Variants in NHSL2 observed in about 807,000 individuals in gnomAD.
NHSL2 encodes NHS like 2, also known as NHS-like protein 2.
NHSL2 carries 27 observed loss-of-function variants against 53.4 expected under a neutral mutation model. The observed-to-expected ratio is 0.51, with a 90% CI of 0.37 to 0.70. The LOEUF (loss-of-function observed/expected upper bound fraction) is 0.70, where lower values mean the gene tolerates loss of function less well. Ranked by LOEUF, NHSL2 falls within the 30% of genes least tolerant of loss-of-function variation. The probability of loss-of-function intolerance (pLI) is 0.00; values close to 1 mark genes in which losing one functional copy is unlikely to be tolerated. For missense variants in NHSL2, 892 were observed against 980.1 expected, an observed-to-expected ratio of 0.91 and a Z score of 1.20; for synonymous variants, 408 against 404.1, an observed-to-expected ratio of 1.01 and a Z score of -0.12.
Position 72,140,787 on chromosome X carries a change from G to T in NHSL2, c.3223+16G>T, listed in dbSNP as rs765792364. ...AGCCCTCTGGGTTAGTAAACTGTCT[G>T]CTGGCTTTTTCCTTCAGTCACAGGA... is the stretch of plus-strand genomic sequence containing the variant. On this transcript the variant is annotated intron_variant, in intron 6 of 7. Coordinates refer to ENST00000633930, the MANE Select transcript of NHSL2 (RefSeq NM_001013627.3). 3 of 1,141,382 alleles carry T rather than the reference G, an allele frequency of 2.6e-6. No individual in the cohort carries two copies. The highest frequency in any genetic ancestry group is 4.9e-4 in the Middle Eastern group (2 of 4,046). The allele number at this position is 1,141,382 out of a possible 1,213,427, so 94.1% of individuals were successfully genotyped here.
At chrX:72,118,250 G>T (rs758530325) in intron 1 of NHSL2, among the ~76,000 whole-genome samples, 3 of 111,693 alleles carry the variant, frequency 2.7e-5, no homozygotes, top group Non-Finnish European at 5.6e-5. Context: ...TCATGTGCTT[G>T]TTGGCCATTT....
At chrX:71,953,295 C>T (rs957764749) in intron 1 of NHSL2, among the ~76,000 whole-genome samples, 3 of 112,100 alleles carry the variant, frequency 2.7e-5, no homozygotes, top group Non-Finnish European at 5.6e-5. Context: ...GACCTGTGTC[C>T]CCCAGAGAGT....
chrX:72,099,647 G>T (rs1030562836), intron 1 of NHSL2, among the ~76,000 whole-genome samples: 1 of 111,377 alleles, frequency 9.0e-6, no homozygotes, highest in African/African-American at 3.3e-5. Flanking sequence ...GGGATTGCAG[G>T]CGTGAGCCGC....
At chrX:71,942,539 A>G (rs762790013) in intron 1 of NHSL2, among the ~76,000 whole-genome samples, 34 of 112,564 alleles carry the variant, frequency 3.0e-4, no homozygotes, top group Non-Finnish European at 5.3e-4. Context: ...AACATTTTTT[A>G]ACTTTGATAG....
intron 1 of NHSL2, among the ~76,000 whole-genome samples, chrX:71,941,823 T>A (rs1045162808): frequency 8.9e-6 from 1 of 111,931 alleles, no homozygotes; most frequent in East Asian, 2.8e-4. Context: ...TCTTTACCAT[T>A]TTCTGGTCTT....
rs944504610 is a variant in NHSL2, at chrX:72,063,147, C to T, written c.281-68932C>T. Among the ~76,000 whole-genome samples, 4 of 111,933 alleles carry T rather than the reference C, an allele frequency of 3.6e-5. No individual in the cohort carries two copies. In the East Asian group the frequency reaches 1.1e-3, roughly 31 times the overall value. ...CTTGGCCTACTACTCTTAACACCAG[C>T]TCTCAGAAGGCGTTCTGGCTTCTTA... On this transcript the variant is annotated intron_variant, in intron 1 of 7. Coordinates refer to ENST00000633930, the MANE Select transcript of NHSL2 (RefSeq NM_001013627.3).
Position 72,087,871 on chromosome X carries a change from C to T in NHSL2, c.281-44208C>T, listed in dbSNP as rs575148310. Reference sequence around the variant, plus strand: ...TGGATGACAGAGCAAGACTCCATCTCGAGAAACAAACAAATAAACAAAAAA... The same window carrying T: ...TGGATGACAGAGCAAGACTCCATCTTGAGAAACAAACAAATAAACAAAAAA... On this transcript the variant is annotated intron_variant, in intron 1 of 7. Coordinates refer to ENST00000633930, the MANE Select transcript of NHSL2 (RefSeq NM_001013627.3). Among the ~76,000 whole-genome samples, 22 of 109,177 alleles carry T rather than the reference C, an allele frequency of 2.0e-4. No individual in the cohort carries two copies. The South Asian group carries it at 7.4e-3, about 37-fold the overall frequency. The allele number at this position is 109,177 out of a possible 115,157, so 94.8% of individuals were successfully genotyped here.
At chrX:72,041,978 C>A (rs2042276664) in intron 1 of NHSL2, among the ~76,000 whole-genome samples, 1 of 112,225 alleles carries the variant, frequency 8.9e-6, no homozygotes, top group Non-Finnish European at 1.9e-5. Flanking sequence ...TGTTTTCCCG[C>A]AACCCTCAGG....
chrX:72,144,552 G>A lies in NHSL2; in HGVS notation c.*978G>A, dbSNP rs1025290766. 3 of 1,022,066 alleles carry A rather than the reference G, an allele frequency of 2.9e-6. No individual in the cohort carries two copies. Among genetic ancestry groups the A allele is most frequent in the Non-Finnish European group, 3.9e-6 (3 of 775,706 alleles). 84.2% of individuals were successfully genotyped at this position (1,022,066 alleles called of 1,213,427 possible). A position where few individuals can be genotyped will look rare whatever the true frequency, so the allele number is the denominator to read the frequency against. ...GGATAATGGAAAGTAAGTGCATCTT[G>A]CCCCCCACCAGTCAATTCAGATCGT... is the stretch of plus-strand genomic sequence containing the variant. On this transcript the variant is annotated 3_prime_UTR_variant, in exon 8 of 8. Coordinates refer to ENST00000633930, the MANE Select transcript of NHSL2 (RefSeq NM_001013627.3).
intron 1 of NHSL2, among the ~76,000 whole-genome samples, chrX:71,939,140 T>A (rs5951217): frequency 0.13 from 14,819 of 110,428 alleles, 1,336 homozygotes; most frequent in African/African-American, 0.31. Flanking sequence ...TGAAGGATAA[T>A]TAGGTGGTAG....
chrX:72,067,271 C>G (rs1378202594), intron 1 of NHSL2, among the ~76,000 whole-genome samples: 1 of 111,731 alleles, frequency 9.0e-6, no homozygotes, highest in Non-Finnish European at 1.9e-5. Flanking sequence ...TTCCTCCTCC[C>G]CACCACCCCC....
intron 1 of NHSL2, among the ~76,000 whole-genome samples, chrX:72,124,873 C>T (rs1250519181): frequency 1.8e-5 from 2 of 111,772 alleles, no homozygotes; most frequent in African/African-American, 3.3e-5. Flanking sequence ...CACCCTTCTA[C>T]TGTCTTCCTT....
intron 1 of NHSL2, among the ~76,000 whole-genome samples, chrX:72,075,996 C>T (rs186907012): frequency 2.9e-4 from 32 of 110,075 alleles, no homozygotes; most frequent in Non-Finnish European, 5.1e-4. Context: ...TGCAATGGCA[C>T]GATCTCAGCC....
intron 1 of NHSL2, among the ~76,000 whole-genome samples, chrX:72,022,611 C>T (rs1215043109): frequency 9.0e-6 from 1 of 111,222 alleles, no homozygotes; most frequent in Non-Finnish European, 1.9e-5. Flanking sequence ...GAGGGATCCA[C>T]CCTCAAGAAC....
At chrX:72,108,601 T>C (rs2042065294) in intron 1 of NHSL2, among the ~76,000 whole-genome samples, 1 of 113,023 alleles carries the variant, frequency 8.8e-6, no homozygotes, top group Non-Finnish European at 1.9e-5. Context: ...AGAGACCTTC[T>C]GCACACAGAG....
In NHSL2 at chrX:72,139,421, A is replaced by G. The variant is rs372620215; in HGVS notation, c.1873A>G (p.Asn625Asp). The change falls in exon 6 of 8, where the codon AAC becomes GAC. Residue 625 changes from asparagine (N) to aspartate (D), a missense_variant. By Grantham distance (23) the Asn-to-Asp change is conservative. Transcript: ENST00000633930. ...TGCTCAGGGTCACCCAGCTATTCCAAACCACAAAGATCCAGAAAGTACACA... is the reference window on the plus strand; with the variant it reads ...TGCTCAGGGTCACCCAGCTATTCCAGACCACAAAGATCCAGAAAGTACACA... ...PDAQGHPAIP[N>D]HKDPESTQFS... 8.3e-7 allele frequency: 1 copy of G among 1,208,709 alleles called. No homozygotes were observed. The highest frequency in any genetic ancestry group is 1.1e-6 in the Non-Finnish European group (1 of 894,721).
chrX:71,998,324 T>G (rs966457305), intron 1 of NHSL2, among the ~76,000 whole-genome samples: 1 of 111,731 alleles, frequency 9.0e-6, no homozygotes, highest in African/African-American at 3.3e-5. Flanking sequence ...TAGCAATAAG[T>G]GTTATGAAGA....
intron 1 of NHSL2, among the ~76,000 whole-genome samples, chrX:71,918,524 A>T (rs1298064951): frequency 1.8e-5 from 2 of 111,412 alleles, no homozygotes; most frequent in African/African-American, 6.5e-5. Flanking sequence ...TACCAAACTC[A>T]AATTATTCCC....
intron 1 of NHSL2, among the ~76,000 whole-genome samples, chrX:72,110,095 A>G (rs919802172): frequency 6.3e-5 from 7 of 111,511 alleles, no homozygotes; most frequent in Admixed American, 1.9e-4. Flanking sequence ...CTCTGGTCCC[A>G]TATTTTCTCC....
Sources: gnomAD v4.1 joint callset for allele counts (sites outside exome capture counted in the v4.1 genomes callset) on GRCh38, gnomAD v4.1.1 for gene constraint, MANE v1.5 for transcripts, NCBI Gene and HGNC (gene_info 2026-07-23, HGNC 2026-07-21) for gene names.